The following MARCHF1 variants were observed in gnomAD, a reference collection of about 807,000 sequenced individuals.
MARCHF1 encodes membrane associated ring-CH-type finger 1, also known as E3 ubiquitin-protein ligase MARCHF1.
In MARCHF1, 40 loss-of-function variants were observed where a neutral mutation model predicts 54.2. That is an observed-to-expected ratio of 0.74 (90% CI 0.57 to 0.96). MARCHF1 has a LOEUF of 0.96. MARCHF1 is among the 40% of genes least tolerant of loss of function. The probability of loss-of-function intolerance (pLI) is 0.00; values close to 1 mark genes in which losing one functional copy is unlikely to be tolerated. For synonymous variants in MARCHF1, 236 were observed against 236.3 expected, an observed-to-expected ratio of 1.00 and a Z score of 0.01; for missense variants, 586 against 656.5, an observed-to-expected ratio of 0.89 and a Z score of 1.17.
intron 1 of MARCHF1, among the ~76,000 whole-genome samples, chr4:164,306,125 A>G (rs1231701730): frequency 6.6e-6 from 1 of 152,154 alleles, no homozygotes; most frequent in African/African-American, 2.4e-5. Flanking sequence ...AAATGGAAAA[A>G]AAATAGCTAG....
chr4:164,146,474 G>C (rs1346757394), intron 1 of MARCHF1, among the ~76,000 whole-genome samples: 2 of 152,158 alleles, frequency 1.3e-5, no homozygotes, highest in Non-Finnish European at 1.5e-5. Flanking sequence ...CCAAAACAGA[G>C]ATATAGATCA....
intron 3 of MARCHF1, among the ~76,000 whole-genome samples, chr4:163,969,062 A>G (rs1212639443): frequency 6.6e-6 from 1 of 152,188 alleles, no homozygotes; most frequent in Non-Finnish European, 1.5e-5. Flanking sequence ...TTCAGCAGAT[A>G]CACAGTAAGG....
rs536002808 is a variant in MARCHF1 at position 163,802,343 on chromosome 4, A to T, written c.111+51678T>A. On this transcript the variant is annotated intron_variant, in intron 4 of 9. Coordinates refer to ENST00000514618, the MANE Select transcript of MARCHF1 (RefSeq NM_001394959.1). Reference sequence around the variant, plus strand: ...AATTGCTAATGTGGAGATCTCTGCTAGGTACAAAGCAGACACTCAGAAATA... The same window carrying T: ...AATTGCTAATGTGGAGATCTCTGCTTGGTACAAAGCAGACACTCAGAAATA... Among the ~76,000 whole-genome samples the T allele has an allele frequency of 5.3e-5, 8 of 150,918 alleles. No individual in the cohort carries two copies. The East Asian group carries it at 1.6e-3, about 30-fold the overall frequency.
chr4:163,586,571 G>T (rs1740420766), intron 7 of MARCHF1, among the ~76,000 whole-genome samples: 1 of 152,144 alleles, frequency 6.6e-6, no homozygotes, highest in Admixed American at 6.5e-5. Context: ...AATAAGTTGT[G>T]CCTTACACAC....
intron 8 of MARCHF1, among the ~76,000 whole-genome samples, chr4:163,582,974 A>G (rs1740278271): frequency 6.6e-6 from 1 of 152,324 alleles, no homozygotes; most frequent in East Asian, 1.9e-4. Context: ...ACGTTGGAAT[A>G]CTTTCTCTAG....
At chr4:164,366,000 ATT>A (rs1353822771) in intron 1 of MARCHF1, among the ~76,000 whole-genome samples, 1 of 151,890 alleles carries the variant, frequency 6.6e-6, no homozygotes, top group Admixed American at 6.6e-5. Context: ...CATTGCATAC[ATT>A]TGTTTTGAAC....
At position 164,367,039 on chromosome 4, in the gene MARCHF1, G is replaced by T. The variant is rs572942678; in HGVS notation, c.-323+16831C>A. Among the ~76,000 whole-genome samples, 17 of 152,138 alleles carry T rather than the reference G, an allele frequency of 1.1e-4. No individual in the cohort carries two copies. In the South Asian group the frequency reaches 1.2e-3, roughly 11 times the overall value. On this transcript the variant is annotated intron_variant, in intron 1 of 9. Transcript: ENST00000514618. ...TTTAGGTACAGTCTAGTTACCAAAC[G>T]GAGAAAATCTTGTTACAAAAGTGAC...
chr4:163,655,065 A>G (rs919790469), intron 5 of MARCHF1, among the ~76,000 whole-genome samples: 1 of 151,542 alleles, frequency 6.6e-6, no homozygotes, highest in African/African-American at 2.4e-5. Context: ...TGGAAGTTAC[A>G]TATTCTATTT....
intron 1 of MARCHF1, among the ~76,000 whole-genome samples, chr4:164,274,826 G>A (rs1480284567): frequency 1.3e-5 from 2 of 150,936 alleles, no homozygotes; most frequent in Non-Finnish European, 3.0e-5. Context: ...ACAGGCGCCC[G>A]CCACTATGCC....
intron 1 of MARCHF1, among the ~76,000 whole-genome samples, chr4:164,324,514 C>T (rs556299650): frequency 6.6e-6 from 1 of 151,366 alleles, no homozygotes; most frequent in South Asian, 2.1e-4. Context: ...ACTTTGAAAA[C>T]CCAAGAGACT....
chr4:163,923,071 A>G (rs537730499), intron 3 of MARCHF1, among the ~76,000 whole-genome samples: 1 of 152,188 alleles, frequency 6.6e-6, no homozygotes, highest in Non-Finnish European at 1.5e-5. Flanking sequence ...CCTGTTGGAA[A>G]AAGTTGTTAA....
chr4:163,919,828 A>G (rs1751384871), intron 3 of MARCHF1, among the ~76,000 whole-genome samples: 1 of 152,128 alleles, frequency 6.6e-6, no homozygotes, highest in Non-Finnish European at 1.5e-5. Context: ...TTTTGTTTTA[A>G]TAGCATTTTT....
intron 1 of MARCHF1, among the ~76,000 whole-genome samples, chr4:164,204,529 G>A (rs1051921900): frequency 6.6e-6 from 1 of 152,160 alleles, no homozygotes; most frequent in African/African-American, 2.4e-5. Flanking sequence ...TTTTGCCAGT[G>A]AAAAATGACA....
At chr4:164,007,148 A>C (rs1413820047) in intron 2 of MARCHF1, among the ~76,000 whole-genome samples, 7 of 150,576 alleles carry the variant, frequency 4.6e-5, no homozygotes, top group Non-Finnish European at 8.9e-5. Context: ...AGATCAAGAC[A>C]ATCCTGGCTA....
At chr4:163,700,752 CATTT>C in intron 5 of MARCHF1, 57 bp downstream of exon 5, 2 of 1,216,136 alleles carry the variant, frequency 1.6e-6, no homozygotes, top group Non-Finnish European at 2.3e-6. Flanking sequence ...ACATTATAAA[CATTT>C]ATGTGAACTC....
In MARCHF1 at chr4:163,847,512, C is replaced by CT. The variant is rs1226118277; in HGVS notation, c.111+6508dup. Among the ~76,000 whole-genome samples, 599 of 145,976 alleles carry CT rather than the reference C, an allele frequency of 4.1e-3. 4 individuals are homozygous for CT. The highest frequency in any genetic ancestry group is 0.015 in the African/African-American group (565 of 38,958). On this transcript the variant is annotated intron_variant, in intron 4 of 9. Coordinates refer to ENST00000514618, the MANE Select transcript of MARCHF1 (RefSeq NM_001394959.1). ...ATGCTCCCTTCTTACCTGCTACTAC[C>CT]TTTTTTTTTCATTTGATCTTTTCGA...
intron 1 of MARCHF1, among the ~76,000 whole-genome samples, chr4:164,198,886 G>T (rs111253030): frequency 0.013 from 1,955 of 152,198 alleles, 44 homozygotes; most frequent in East Asian, 0.1. Context: ...CTTACTATAA[G>T]AATATGAGCA....
intron 4 of MARCHF1, among the ~76,000 whole-genome samples, chr4:163,848,989 A>C (rs963802410): frequency 2.4e-4 from 37 of 152,202 alleles, no homozygotes; most frequent in African/African-American, 8.7e-4. Context: ...GATATGTATA[A>C]TCTTGGATTA....
chr4:164,367,509 T>C (rs1230771547), intron 1 of MARCHF1, among the ~76,000 whole-genome samples: 1 of 152,050 alleles, frequency 6.6e-6, no homozygotes, highest in Non-Finnish European at 1.5e-5. Flanking sequence ...AAGTTATTCC[T>C]AGAAATAACT....
Sources: gnomAD v4.1 joint callset for allele counts (sites outside exome capture counted in the v4.1 genomes callset) on GRCh38, gnomAD v4.1.1 for gene constraint, MANE v1.5 for transcripts, NCBI Gene and HGNC (gene_info 2026-07-23, HGNC 2026-07-21) for gene names.